The following IQCN variants were observed in gnomAD, a reference collection of about 807,000 sequenced individuals.
IQCN encodes the protein IQ domain-containing protein N.
IQCN carries 46 observed loss-of-function variants against 64.4 expected under a neutral mutation model. That is an observed-to-expected ratio of 0.71 (90% confidence interval 0.56 to 0.91). IQCN has a LOEUF of 0.91. Ranked by LOEUF, IQCN falls within the 40% of genes least tolerant of loss-of-function variation. The pLI, the probability that IQCN is intolerant of heterozygous loss-of-function variation, is 0.00. For synonymous variants in IQCN, 733 were observed against 775.6 expected (o/e 0.95, Z 0.91); for missense variants, 1,753 against 1,857.4 (o/e 0.94, Z 1.03).
At chr19:18,261,133 A>T (rs978116498) in intron 3 of IQCN, 1 of 144,646 alleles carries the variant, frequency 6.9e-6, no homozygotes, top group African/African-American at 2.6e-5. Flanking sequence ...ACTGGTGGGT[A>T]ATCTTGTCTA....
At chr19:18,258,465 C>T (rs765446634) in intron 3 of IQCN, 12 of 516,538 alleles carry the variant, frequency 2.3e-5, no homozygotes, top group Non-Finnish European at 3.8e-5. Flanking sequence ...ATGCACGGAT[C>T]TGTAGGAATT....
intron 1 of IQCN, among the ~76,000 whole-genome samples, chr19:18,270,845 A>AG (rs1458930171): frequency 6.7e-6 from 1 of 149,488 alleles, no homozygotes; most frequent in Non-Finnish European, 1.5e-5. Flanking sequence ...AAAAAAAAAA[A>AG]AAGATTGTGA....
intron 2 of IQCN, among the ~76,000 whole-genome samples, chr19:18,269,042 A>G (rs1201343780): frequency 6.6e-6 from 1 of 151,766 alleles, no homozygotes; most frequent in Non-Finnish European, 1.5e-5. Context: ...AGGCAGGAGC[A>G]TTGCTTGAAC....
Position 18,265,038 on chromosome 19 carries a change from C to T in IQCN, c.2502G>A (p.Pro834=), listed in dbSNP as rs758818348. The T allele has an allele frequency of 1.7e-5, 28 of 1,601,070 alleles. No homozygotes were observed. The East Asian group carries it at 2.2e-4, about 13-fold the overall frequency. The change falls in exon 3 of 4, where the codon CCG becomes CCA. Residue 834 remains proline (P), a synonymous_variant. Transcript: ENST00000392413. This position sits in a 1 kb window ranked among gnomAD's most constrained non-coding sequence, Gnocchi z 4.7. ...AACEVQGMLV[P]PMAPTGHSTC... ...TGGAATGGCCGGTGGGTGCCATCGG[C>T]GGCACCAGCATACCCTGGACCTCAC...
chr19:18,268,155 G>A (rs914589476), intron 2 of IQCN, among the ~76,000 whole-genome samples: 5 of 145,270 alleles, frequency 3.4e-5, no homozygotes, highest in Non-Finnish European at 4.5e-5. Flanking sequence ...ACAATGTTTT[G>A]GAAATTTCCT....
rs138990197 is a variant in IQCN, at chr19:18,267,474, T to A, written c.66A>T (p.Thr22=). 5.4e-4 allele frequency: 833 copies of A among 1,533,296 alleles called. 12 individuals carry two copies. The Admixed American group carries it at 0.016, about 30-fold the overall frequency. 95.0% of individuals were successfully genotyped at this position (1,533,296 alleles called of 1,614,324 possible). A position where few individuals can be genotyped will look rare whatever the true frequency, so the allele number is the denominator to read the frequency against. ...ACTGGGTGACAACTGGCTCGTGAAC[T>A]GTAGCTAGGCGGCCGGCTGCATTGC... is the stretch of plus-strand genomic sequence containing the variant. The part of the protein sequence containing the change: ...NQGNAAGRLA[T]VHEPVVTQWA... The change falls in exon 3 of 4, where the codon ACA becomes ACT. Residue 22 remains threonine, a synonymous_variant. Coordinates refer to ENST00000392413, the MANE Select transcript of IQCN (RefSeq NM_001145304.2).
intron 2 of IQCN, among the ~76,000 whole-genome samples, chr19:18,268,961 C>CAAAAAA (rs35086395): frequency 1.8e-5 from 1 of 54,412 alleles, no homozygotes; most frequent in African/African-American, 7.2e-5. Flanking sequence ...GACTCTGTCT[C>CAAAAAA]AAAAAAAAAA....
chr19:18,274,140 T>A (rs1075403), intron 1 of IQCN, among the ~76,000 whole-genome samples: 2 of 151,810 alleles, frequency 1.3e-5, no homozygotes, highest in African/African-American at 2.4e-5. Flanking sequence ...AGGCTCTCCA[T>A]GATGTCCCCC....
At chr19:18,273,520 T>C (rs10854164) in intron 1 of IQCN, among the ~76,000 whole-genome samples, 56,264 of 151,918 alleles carry the variant, frequency 0.37, 10,452 homozygotes, top group East Asian at 0.44. Flanking sequence ...TTAGTGGAAA[T>C]GGGGTTTCTC....
In IQCN at chr19:18,258,043, C is replaced by A. The variant is rs1226906025; in HGVS notation, c.3241G>T (p.Gly1081Cys). 1 of 1,612,738 alleles carries A rather than the reference C, an allele frequency of 6.2e-7. No homozygotes were observed. The highest frequency in any genetic ancestry group is 8.5e-7 in the Non-Finnish European group (1 of 1,179,990). Residue 1081 changes from glycine to cysteine, a missense_variant, in exon 4 of 4, where the codon GGT (glycine) becomes TGT (cysteine). Coordinates refer to ENST00000392413, the MANE Select transcript of IQCN (RefSeq NM_001145304.2). ...CGCCAGGTGTCCCAGGACGCAGCAC[C>A]CCTGGCTGGCTCCCATGCGCGGTTC... ...SWNRAWEPARGAASWDTWRNK... is the reference protein window; with the variant it reads ...SWNRAWEPARCAASWDTWRNK...
In IQCN at chr19:18,266,223, CT is replaced by C; in HGVS notation, c.1316del (p.Lys439ArgfsTer50). ...PQVSLLASIM[K>X]SLPQVCPGPA... ...GCCCCGGGCATACCTGGGGCAGGCT[CT>C]TCATGATGGAAGCCAGAAGGGAAAC... On this transcript the variant is annotated frameshift_variant, in exon 3 of 4. Transcript: ENST00000392413. LOFTEE classifies it high-confidence loss of function. This position sits in a 1 kb window ranked among gnomAD's most constrained non-coding sequence, Gnocchi z 4.3. 1 of 1,613,956 alleles carries C rather than the reference CT, an allele frequency of 6.2e-7. No homozygotes were observed. The highest frequency in any genetic ancestry group is 1.1e-5 in the South Asian group (1 of 91,076).
chr19:18,269,317 G>A, intron 2 of IQCN, 149 bp downstream of exon 2: 1 of 739,390 alleles, frequency 1.4e-6, no homozygotes, highest in Non-Finnish European at 2.3e-6. Context: ...GGTGACTGTG[G>A]CTTTCAGAAG....
chr19:18,267,747 G>A (rs1969634998), intron 2 of IQCN: 1 of 427,498 alleles, frequency 2.3e-6, no homozygotes, highest in Admixed American at 4.1e-5. Context: ...CACAGTGTAT[G>A]ACACCTGAAT....
chr19:18,265,146 C>T lies in IQCN; in HGVS notation c.2394G>A (p.Lys798=), dbSNP rs1367931127. The T allele has an allele frequency of 6.2e-7, 1 of 1,607,026 alleles. No individual in the cohort carries two copies. The highest frequency in any genetic ancestry group is 1.7e-5 in the Admixed American group (1 of 60,020). The change falls in exon 3 of 4, where the codon AAG becomes AAA. Residue 798 remains lysine, a synonymous_variant. Transcript: ENST00000392413. This position sits in a 1 kb window ranked among gnomAD's most constrained non-coding sequence, Gnocchi z 4.7. ...LGGLSAPPWA[K]PEDRQTQPQP... is the part of the protein sequence containing the mutation. ...GTGGCTGGGTCTGTCTGTCCTCTGGCTTGGCCCAGGGTGGGGCGCTGAGGC... is the reference window on the plus strand; with the variant it reads ...GTGGCTGGGTCTGTCTGTCCTCTGGTTTGGCCCAGGGTGGGGCGCTGAGGC...
Position 18,267,355 on chromosome 19 carries a change from T to C in IQCN, c.185A>G (p.Lys62Arg), listed in dbSNP as rs1969624408. The C allele has an allele frequency of 2.5e-6, 4 of 1,613,752 alleles. No individual in the cohort carries two copies. In the East Asian group the frequency reaches 8.9e-5, roughly 36 times the overall value. Residue 62 changes from lysine to arginine, a missense_variant, in exon 3 of 4, where the codon AAG (lysine) becomes AGG (arginine). Transcript: ENST00000392413. ...PQPQHEGLKS[K>R]EHLPQQPAEG... ...GGCAGGCTGTTGCGGAAGATGCTCC[T>C]TGGACTTGAGGCCCTCGTGCTGGGG...
At position 18,267,210 on chromosome 19, in the gene IQCN, G is replaced by A; in HGVS notation, c.330C>T (p.Ile110=). 1 of 1,614,274 alleles carries A rather than the reference G, an allele frequency of 6.2e-7. No individual in the cohort carries two copies. Among genetic ancestry groups the A allele is most frequent in the Non-Finnish European group, 8.5e-7 (1 of 1,180,056 alleles). ...GCCAATAGCCCCTCCAGTTGGCTTG[G>A]ATGAGCGTGGCTGCACGGGCGTGCA... is the stretch of plus-strand genomic sequence containing the variant. ...DMMHARAATL[I]QANWRGYWLR... is the part of the protein sequence containing the mutation. The change falls in exon 3 of 4, where the codon ATC becomes ATT. Residue 110 remains isoleucine (I), a synonymous_variant. Coordinates refer to ENST00000392413, the MANE Select transcript of IQCN (RefSeq NM_001145304.2).
At chr19:18,258,293 T>C (rs1969358293) in intron 3 of IQCN, 187 bp from the exon 4 acceptor site, 1 of 728,384 alleles carries the variant, frequency 1.4e-6, no homozygotes, top group African/African-American at 1.7e-5. Context: ...CCGAGGAGTG[T>C]GTCATCTCCC....
In IQCN at chr19:18,257,970, G is replaced by A. The variant is rs145253174; in HGVS notation, c.3314C>T (p.Ser1105Phe). Residue 1105 changes from serine (S) to phenylalanine (F), a missense_variant, in exon 4 of 4, where the codon TCC (serine) becomes TTC (phenylalanine). Physicochemically the swap from Ser to Phe is radical, Grantham distance 155 (BLOSUM62 -2). Transcript: ENST00000392413. ...GCGGATCTCCTCTGCAGCCTGCATGGACACCATTGGCTCCCCGGACCGCCT... is the reference window on the plus strand; with the variant it reads ...GCGGATCTCCTCTGCAGCCTGCATGAACACCATTGGCTCCCCGGACCGCCT... ...PPRRSGEPMV[S>F]MQAAEEIRIL... is the part of the protein sequence containing the mutation. The A allele has an allele frequency of 6.2e-7, 1 of 1,612,548 alleles. No homozygotes were observed. Among genetic ancestry groups the A allele is most frequent in the Non-Finnish European group, 8.5e-7 (1 of 1,179,710 alleles).
intron 3 of IQCN, among the ~76,000 whole-genome samples, chr19:18,262,949 G>A (rs536027475): frequency 1.3e-5 from 2 of 152,310 alleles, no homozygotes; most frequent in East Asian, 1.9e-4. Flanking sequence ...CAGAGCTCTT[G>A]CCTAAGGAGA....
Sources: allele counts gnomAD v4.1 joint callset (sites outside exome capture counted in the v4.1 genomes callset), GRCh38; gene constraint gnomAD v4.1.1; non-coding constraint Gnocchi (gnomAD v3.1); transcripts MANE v1.5; gene names NCBI Gene and HGNC (gene_info 2026-07-23, HGNC 2026-07-21).